ANKRD36C: variants seen among roughly 807,000 people sequenced by gnomAD.
ANKRD36C encodes ankyrin repeat domain 36C.
In ANKRD36C, 61 loss-of-function variants were observed where a neutral mutation model predicts 276.4. The ratio of observed to expected loss-of-function variants is 0.22; its 90% CI spans 0.18 to 0.27. The LOEUF is 0.27. Among genes scored for constraint, ANKRD36C ranks in the 10% least tolerant of loss-of-function variants. The probability of loss-of-function intolerance (pLI) is 1.00; values close to 1 mark genes in which losing one functional copy is unlikely to be tolerated. For missense variants in ANKRD36C, 1,447 were observed against 2,032.3 expected (o/e 0.71, Z 5.54); for synonymous variants, 483 against 680.1 (o/e 0.71, Z 4.51).
At chr2:95,881,083 A>G (rs1306719460) in intron 56 of ANKRD36C, among the ~76,000 whole-genome samples, 1 of 152,164 alleles carries the variant, frequency 6.6e-6, no homozygotes, top group African/African-American at 2.4e-5. Context: ...AAGGTACACA[A>G]TTACAATGAC....
Position 95,958,511 on chromosome 2 carries a change from C to A in ANKRD36C, c.1105+80G>T, listed in dbSNP as rs368393585. Reference sequence around the variant, plus strand: ...ATCAGAATGCGCAGCTTCAATGAGCCCCCTGCTGATTTATTCGGGGAAGGG... The same window carrying A: ...ATCAGAATGCGCAGCTTCAATGAGCACCCTGCTGATTTATTCGGGGAAGGG... On this transcript the variant is annotated intron_variant, in intron 12 of 66. Transcript: ENST00000456556. 491 of 1,505,990 alleles carry A rather than the reference C, an allele frequency of 3.3e-4. 8 individuals are homozygous for A. In the South Asian group the frequency reaches 5.8e-3, roughly 18 times the overall value. 93.3% of individuals were successfully genotyped at this position (1,505,990 alleles called of 1,614,324 possible).
At position 95,928,841 on chromosome 2, in the gene ANKRD36C, A is replaced by G. The variant is rs540160152; in HGVS notation, c.1837+231T>C. Among the ~76,000 whole-genome samples the G allele has an allele frequency of 5.6e-3, 852 of 151,588 alleles. 5 individuals carry two copies. The highest frequency in any genetic ancestry group is 0.019 in the African/African-American group (807 of 41,450). Reference sequence around the variant, plus strand: ...CTGGTATGTGTTGAACTTCTCTCCAATGGTTCTTCTTCCCAATTTCAATGT... The same window carrying G: ...CTGGTATGTGTTGAACTTCTCTCCAGTGGTTCTTCTTCCCAATTTCAATGT... On this transcript the variant is annotated intron_variant, in intron 26 of 66. Transcript: ENST00000456556.
In ANKRD36C at chr2:95,910,585, A is replaced by T. The variant is rs1676886035; in HGVS notation, c.2653+1659T>A. ...GAGAAGACACTGAAAAGCAAAAGGG[A>T]TTCATAATCACTCATATGTAAATAT... On this transcript the variant is annotated intron_variant, in intron 42 of 66. Coordinates refer to ENST00000456556, the Ensembl canonical transcript of ANKRD36C. 6.2e-7 allele frequency: 1 copy of T among 1,605,078 alleles called. No individual in the cohort carries two copies.
intron 32 of ANKRD36C, 65 bp from the exon 33 acceptor site, chr2:95,921,875 T>C: frequency 6.6e-7 from 1 of 1,503,854 alleles, no homozygotes; most frequent in Non-Finnish European, 9.0e-7. Flanking sequence ...ATTCATGCGG[T>C]GTTAGCATCA....
Position 95,922,576 on chromosome 2 carries a change from T to C in ANKRD36C, c.2144-766A>G, listed in dbSNP as rs181521738. Among the ~76,000 whole-genome samples the C allele has an allele frequency of 8.2e-4, 125 of 151,732 alleles. 3 individuals are homozygous for C. The South Asian group carries it at 0.025, about 31-fold the overall frequency. On this transcript the variant is annotated intron_variant, in intron 32 of 66. Coordinates refer to ENST00000456556, the Ensembl canonical transcript of ANKRD36C. ...TAAAAGCATTGGATATTGATAAGCT[T>C]TTATATTTGGAAATCACTCCAATAT...
chr2:95,963,626 C>T (rs2104509231), intron 6 of ANKRD36C, among the ~76,000 whole-genome samples: 1 of 125,996 alleles, frequency 7.9e-6, no homozygotes, highest in African/African-American at 3.1e-5. Context: ...TTTCCTTCTG[C>T]CAGTAGTTTC....
Position 95,915,951 on chromosome 2 carries a change from A to G in ANKRD36C, c.2449+29T>C, listed in dbSNP as rs1477556992. ...AGAGAACTTCTTATCTGGACTGAAC[A>G]TGACATTAAATGTGTTTTGCAAAAT... On this transcript the variant is annotated intron_variant, in intron 38 of 66. Coordinates refer to ENST00000456556, the Ensembl canonical transcript of ANKRD36C. 10 of 1,540,910 alleles carry G rather than the reference A, an allele frequency of 6.5e-6. No individual in the cohort carries two copies. In the East Asian group the frequency reaches 7.3e-5, roughly 11 times the overall value.
Position 95,886,044 on chromosome 2 carries a change from A to G in ANKRD36C, c.3163+4T>C. On this transcript the variant is annotated splice_donor_region_variant and intron_variant, in intron 52 of 66. Transcript: ENST00000456556. Reference sequence around the variant, plus strand: ...CATTACATTAAAGGTGTATTCCAAAATACCTGTCCCACGTATTTGTCCATC... The same window carrying G: ...CATTACATTAAAGGTGTATTCCAAAGTACCTGTCCCACGTATTTGTCCATC... 6.2e-7 allele frequency: 1 copy of G among 1,608,172 alleles called. No homozygotes were observed.
intron 4 of ANKRD36C, among the ~76,000 whole-genome samples, chr2:95,982,038 T>C (rs543934934): frequency 2.6e-5 from 4 of 152,168 alleles, no homozygotes; most frequent in East Asian, 3.8e-4. Context: ...AATGTCTATA[T>C]AGAGAGATGA....
At chr2:95,889,928 C>T (rs989162856) in intron 47 of ANKRD36C, 38 bp downstream of exon 67, 3 of 1,609,128 alleles carry the variant, frequency 1.9e-6, no homozygotes, top group Admixed American at 3.4e-5. Context: ...ATAGACTATA[C>T]AGTTAATAGT....
At chr2:95,890,400 G>A (rs182740716) in intron 46 of ANKRD36C, among the ~76,000 whole-genome samples, 4 of 151,566 alleles carry the variant, frequency 2.6e-5, no homozygotes, top group African/African-American at 7.2e-5. Context: ...CACAATTATA[G>A]TACAAACATT....
chr2:95,895,879 G>C (rs562777341), intron 44 of ANKRD36C, among the ~76,000 whole-genome samples: 1 of 151,040 alleles, frequency 6.6e-6, no homozygotes, highest in South Asian at 2.1e-4. Context: ...GAGCGATGAG[G>C]ACAAATGTGA....
At chr2:95,956,928 C>G in intron 12 of ANKRD36C, 112 bp from the exon 13 acceptor site, 1 of 1,045,434 alleles carries the variant, frequency 9.6e-7, no homozygotes, top group East Asian at 2.6e-5. Flanking sequence ...ACTCAAAAGG[C>G]TGAGGCAGAA....
intron 44 of ANKRD36C, among the ~76,000 whole-genome samples, chr2:95,897,678 C>G (rs1301832749): frequency 7.0e-6 from 1 of 143,212 alleles, no homozygotes; most frequent in Admixed American, 7.0e-5. Context: ...GAATTTCAAA[C>G]ATGGTATGAT....
intron 60 of ANKRD36C, among the ~76,000 whole-genome samples, chr2:95,861,504 T>G (rs1399000431): frequency 1.3e-5 from 2 of 151,716 alleles, no homozygotes; most frequent in African/African-American, 2.4e-5. Context: ...TTGTCATTTT[T>G]TATACCATCT....
At chr2:95,937,430 A>G (rs374601168) in intron 22 of ANKRD36C, among the ~76,000 whole-genome samples, 12 of 141,188 alleles carry the variant, frequency 8.5e-5, no homozygotes, top group South Asian at 2.4e-4. Context: ...AAACAAATAT[A>G]TAAAACAGAA....
intron 56 of ANKRD36C, among the ~76,000 whole-genome samples, chr2:95,881,718 C>T (rs567464705): frequency 8.8e-4 from 133 of 151,748 alleles, no homozygotes; most frequent in Non-Finnish European, 1.5e-3. Context: ...TCAGATGATC[C>T]GGTATGCAAA....
In ANKRD36C at chr2:95,927,576, A is replaced by G. The variant is rs1473815693; in HGVS notation, c.1838-167T>C. 9.2e-5 allele frequency among the ~76,000 whole-genome samples: 14 copies of G among 151,678 alleles called. No homozygotes were observed. In the East Asian group the frequency reaches 2.7e-3, roughly 29 times the overall value. ...CTGGAACACGACAGAAATACACTGA[A>G]AAAAAAGGAATACAGCCTTCACAAA... On this transcript the variant is annotated intron_variant, in intron 26 of 66. Coordinates refer to ENST00000456556, the Ensembl canonical transcript of ANKRD36C.
At chr2:95,986,234 G>C (rs984300709) in intron 3 of ANKRD36C, among the ~76,000 whole-genome samples, 1 of 151,944 alleles carries the variant, frequency 6.6e-6, no homozygotes, top group African/African-American at 2.4e-5. Flanking sequence ...GTGCATTTCT[G>C]ATTGCTCTCC....
Sources: gnomAD v4.1 joint callset for allele counts (sites outside exome capture counted in the v4.1 genomes callset) on GRCh38, gnomAD v4.1.1 for gene constraint, MANE v1.5 for transcripts, NCBI Gene and HGNC (gene_info 2026-07-23, HGNC 2026-07-21) for gene names.